The following PRKG1 variants were observed in gnomAD, a reference collection of about 807,000 sequenced individuals.
PRKG1 encodes cGMP-dependent protein kinase 1.
In PRKG1, 35 loss-of-function variants were observed where a neutral mutation model predicts 88.1. That is an observed-to-expected ratio of 0.40 (90% CI 0.30 to 0.53). The LOEUF is 0.53. Among genes scored for constraint, PRKG1 ranks in the 20% least tolerant of loss-of-function variants. The pLI, the probability that PRKG1 is intolerant of heterozygous loss-of-function variation, is 0.59. For synonymous variants in PRKG1, 303 were observed against 292.5 expected, an observed-to-expected ratio of 1.04 and a Z score of -0.37; for missense variants, 540 against 839.8, an observed-to-expected ratio of 0.64 and a Z score of 4.41.
At chr10:51,109,344 C>A (rs1429235545) in intron 1 of PRKG1, among the ~76,000 whole-genome samples, 1 of 152,028 alleles carries the variant, frequency 6.6e-6, no homozygotes, top group Non-Finnish European at 1.5e-5. Context: ...CCTTCAAGAG[C>A]ATAGCTGTGT....
At chr10:51,382,526 A>T (rs565152345) in intron 2 of PRKG1, among the ~76,000 whole-genome samples, 260 of 152,280 alleles carry the variant, frequency 1.7e-3, no homozygotes, top group African/African-American at 5.8e-3. Context: ...TTATTATGTG[A>T]TCTGTACTCT....
At chr10:51,259,232 AC>A (rs1839641803) in intron 2 of PRKG1, among the ~76,000 whole-genome samples, 1 of 152,212 alleles carries the variant, frequency 6.6e-6, no homozygotes, top group Non-Finnish European at 1.5e-5. Context: ...ATCAGTTGTT[AC>A]CTAAAGCTTT....
At chr10:51,044,823 T>C (rs1843467204) in intron 1 of PRKG1, among the ~76,000 whole-genome samples, 1 of 152,176 alleles carries the variant, frequency 6.6e-6, no homozygotes, top group Non-Finnish European at 1.5e-5. Flanking sequence ...AAATCCTAAA[T>C]TGTTTTACTT....
chr10:52,190,315 C>T (rs1033576940), intron 9 of PRKG1, among the ~76,000 whole-genome samples: 1 of 152,018 alleles, frequency 6.6e-6, no homozygotes, highest in African/African-American at 2.4e-5. Flanking sequence ...ATGGAAAATT[C>T]AAATGTATTC....
chr10:51,392,569 C>T (rs1369672456), intron 2 of PRKG1, among the ~76,000 whole-genome samples: 1 of 151,956 alleles, frequency 6.6e-6, no homozygotes, highest in Non-Finnish European at 1.5e-5. Context: ...ATTTCTCAAT[C>T]TTTTCCCCAC....
At chr10:51,332,982 G>A (rs909964272) in intron 2 of PRKG1, among the ~76,000 whole-genome samples, 51 of 152,170 alleles carry the variant, frequency 3.4e-4, no homozygotes, top group Non-Finnish European at 1.6e-4. Flanking sequence ...TATGAAGTAG[G>A]TACAATTATT....
At chr10:51,406,629 T>C (rs1178154500) in intron 2 of PRKG1, among the ~76,000 whole-genome samples, 1 of 152,010 alleles carries the variant, frequency 6.6e-6, no homozygotes, top group African/African-American at 2.4e-5. Flanking sequence ...TTGTTTTTTT[T>C]TTTTTTTTTA....
intron 4 of PRKG1, among the ~76,000 whole-genome samples, chr10:51,901,535 C>T (rs73333493): frequency 0.03 from 4,624 of 152,238 alleles, 261 homozygotes; most frequent in African/African-American, 0.11. Flanking sequence ...TTTCATTTGT[C>T]TCTTAATTAT....
chr10:52,204,692 G>A (rs1423516101), intron 9 of PRKG1, among the ~76,000 whole-genome samples: 1 of 152,122 alleles, frequency 6.6e-6, no homozygotes, highest in African/African-American at 2.4e-5. Context: ...TTTGTAAACT[G>A]AGGATGTATG....
intron 3 of PRKG1, among the ~76,000 whole-genome samples, chr10:51,795,775 G>T (rs112180547): frequency 5.8e-4 from 88 of 152,186 alleles, no homozygotes; most frequent in African/African-American, 2.1e-3. Context: ...TGGTAAACAT[G>T]AAGTAGGAGA....
chr10:52,127,943 G>A, intron 7 of PRKG1: 1 of 878,638 alleles, frequency 1.1e-6, no homozygotes, highest in Non-Finnish European at 1.4e-6. Context: ...TTTCAAAAAA[G>A]CATAGTCAGA....
intron 5 of PRKG1, among the ~76,000 whole-genome samples, chr10:51,938,844 T>A (rs1842848227): frequency 6.6e-6 from 1 of 152,052 alleles, no homozygotes; most frequent in Admixed American, 6.6e-5. Flanking sequence ...AAAATGGGAA[T>A]AATATCATTG....
intron 2 of PRKG1, among the ~76,000 whole-genome samples, chr10:51,378,209 A>G (rs896622899): frequency 6.6e-6 from 1 of 152,234 alleles, no homozygotes; most frequent in African/African-American, 2.4e-5. Context: ...GCTCTTTCTG[A>G]AAAGACTGAA....
chr10:51,048,853 C>CTT (rs36099501), intron 1 of PRKG1, among the ~76,000 whole-genome samples: 1 of 148,170 alleles, frequency 6.7e-6, no homozygotes, highest in African/African-American at 2.5e-5. Flanking sequence ...AGTATAGTGA[C>CTT]TTTTTTTTTT....
chr10:52,024,298 CATTT>C (rs919987587), intron 5 of PRKG1, among the ~76,000 whole-genome samples: 1 of 142,714 alleles, frequency 7.0e-6, no homozygotes, highest in Non-Finnish European at 1.5e-5. Context: ...TTTATTTATT[CATTT>C]ATTTATTTAT....
intron 3 of PRKG1, among the ~76,000 whole-genome samples, chr10:51,496,956 G>T (rs1028953359): frequency 6.6e-6 from 1 of 152,100 alleles, no homozygotes; most frequent in African/African-American, 2.4e-5. Context: ...ATTCTAAACT[G>T]ATTCCTGTTT....
intron 5 of PRKG1, among the ~76,000 whole-genome samples, chr10:52,005,379 C>T (rs1227400408): frequency 2.0e-5 from 3 of 151,306 alleles, no homozygotes; most frequent in African/African-American, 7.3e-5. Context: ...CAGTCATGAA[C>T]CACCCAGTGA....
intron 5 of PRKG1, among the ~76,000 whole-genome samples, chr10:52,035,080 A>G (rs1845571637): frequency 6.6e-6 from 1 of 152,206 alleles, no homozygotes. Context: ...TTTGACTAAT[A>G]AATGCTTGTC....
Position 51,841,654 on chromosome 10 carries a change from A to AATTTGTT in PRKG1, c.698+36965_698+36966insTTTGTTA, listed in dbSNP as rs576273363. Among the ~76,000 whole-genome samples, 167 of 21,688 alleles carry AATTTGTT rather than the reference A, an allele frequency of 7.7e-3. 1 individual carries two copies. The highest frequency in any genetic ancestry group is 0.05 in the African/African-American group (158 of 3,160). The allele number at this position is 21,688 out of a possible 152,430, so 14.2% of individuals were successfully genotyped here. ...ATTCATGCTGTGACTGAATTTGTTA[A>AATTTGTT]AAAAAAAAGACCAAAATATGGTTTT... On this transcript the variant is annotated intron_variant, in intron 4 of 17. Coordinates refer to ENST00000373980, the MANE Select transcript of PRKG1 (RefSeq NM_006258.4).
Sources: gnomAD v4.1 joint callset for allele counts (sites outside exome capture counted in the v4.1 genomes callset) on GRCh38, gnomAD v4.1.1 for gene constraint, MANE v1.5 for transcripts, NCBI Gene and HGNC (gene_info 2026-07-23, HGNC 2026-07-21) for gene names.